Variants in CLN6 observed in about 807,000 individuals in gnomAD.
CLN6 encodes the protein CLN6 transmembrane ER protein.
Under a neutral mutation model 33.3 loss-of-function variants are expected in CLN6, and 22 were observed. The observed-to-expected ratio is 0.66, with a 90% CI of 0.47 to 0.94. The LOEUF (loss-of-function observed/expected upper bound fraction) is 0.94. Among genes scored for constraint, CLN6 ranks in the 40% least tolerant of loss-of-function variants. CLN6 has a pLI of 0.00. For missense variants in CLN6, 387 were observed against 417.1 expected, an observed-to-expected ratio of 0.93 and a Z score of 0.63; for synonymous variants, 201 against 174.6, an observed-to-expected ratio of 1.15 and a Z score of -1.19.
At chr15:68,244,564 G>A (rs539965277) in intron 1 of CLN6, among the ~76,000 whole-genome samples, 1 of 152,166 alleles carries the variant, frequency 6.6e-6, no homozygotes, top group East Asian at 1.9e-4. Flanking sequence ...GCTAAATGGA[G>A]TTCTTCAATC....
intron 3 of CLN6, chr15:68,212,124 C>T (rs963644290): frequency 1.1e-4 from 55 of 518,710 alleles, no homozygotes; most frequent in Middle Eastern, 1.0e-3. Flanking sequence ...ACTCCTTTCC[C>T]AAAGTCACAC....
At position 68,226,096 on chromosome 15, in the gene CLN6, A is replaced by G. The variant is rs2093250989; in HGVS notation, c.83+3406T>C. 8.6e-5 allele frequency among the ~76,000 whole-genome samples: 13 copies of G among 151,788 alleles called. 1 individual carries two copies. The South Asian group carries it at 2.7e-3, about 32-fold the overall frequency. ...GCACTTTGGGAGGCTGAGGCGGGTG[A>G]ATCACAAAGTCAGAAGTTTGAGACC... is the stretch of plus-strand genomic sequence containing the variant. On this transcript the variant is annotated intron_variant, in intron 1 of 6. Transcript: ENST00000249806.
chr15:68,214,390 T>C lies in CLN6; in HGVS notation c.199-2A>G, dbSNP rs1471253353. The C allele has an allele frequency of 6.2e-7, 1 of 1,612,162 alleles. No homozygotes were observed. Among genetic ancestry groups the C allele is most frequent in the Non-Finnish European group, 8.5e-7 (1 of 1,178,340 alleles). On this transcript the variant is annotated splice_acceptor_variant, in intron 2 of 6. Coordinates refer to ENST00000249806, the MANE Select transcript of CLN6 (RefSeq NM_017882.3). LOFTEE classifies it high-confidence loss of function. ...AAACCACTCGAGAGGGAATACCAGC[T>C]GCGGAGCAAATGGAAGAATGGGCTC... is the stretch of plus-strand genomic sequence containing the variant.
At chr15:68,245,632 C>T (rs1013863223) in intron 1 of CLN6, among the ~76,000 whole-genome samples, 5 of 151,998 alleles carry the variant, frequency 3.3e-5, no homozygotes, top group African/African-American at 9.7e-5. Context: ...GTAGTAAGTC[C>T]TTACTTATCA....
At position 68,229,683 on chromosome 15, in the gene CLN6, G is replaced by C. The variant is rs930349862; in HGVS notation, c.-99C>G. 14 of 997,094 alleles carry C rather than the reference G, an allele frequency of 1.4e-5. No homozygotes were observed. In the African/African-American group the frequency reaches 2.2e-4, roughly 16 times the overall value. 61.8% of individuals were successfully genotyped at this position (997,094 alleles called of 1,614,324 possible). A position where few individuals can be genotyped will look rare whatever the true frequency, so the allele number is the denominator to read the frequency against. ...CCGCCGCAAATTCCCAGCGCGGGGCGGTTCGGGGCGGGCCGGCGAGAGCGC... is the reference window on the plus strand; with the variant it reads ...CCGCCGCAAATTCCCAGCGCGGGGCCGTTCGGGGCGGGCCGGCGAGAGCGC... On this transcript the variant is annotated 5_prime_UTR_variant, in exon 1 of 7. Coordinates refer to ENST00000249806, the MANE Select transcript of CLN6 (RefSeq NM_017882.3).
At position 68,256,578 on chromosome 15, in the gene CLN6, C is replaced by T; in HGVS notation, c.179+112G>A. 1 of 549,366 alleles carries T rather than the reference C, an allele frequency of 1.8e-6. No homozygotes were observed. The highest frequency in any genetic ancestry group is 2.7e-5 in the South Asian group (1 of 37,632). The allele number at this position is 549,366 out of a possible 1,614,324, so 34.0% of individuals were successfully genotyped here. On this transcript the variant is annotated intron_variant, in intron 1 of 6. Coordinates refer to the CLN6 transcript ENST00000538696. This position sits in a 1 kb window ranked among gnomAD's most constrained non-coding sequence, Gnocchi z 4.1. ...TATTACAATACTCTCTTTGGGATCC[C>T]CACACACGTGGCTGGCTTCAGGGGT...
intron 3 of CLN6, 152 bp from the exon 4 acceptor site, chr15:68,212,015 G>A (rs1347915026): frequency 8.2e-6 from 6 of 735,322 alleles, no homozygotes; most frequent in Non-Finnish European, 1.1e-5. Flanking sequence ...GGCCAGCCCA[G>A]CCTCCAGATC....
rs906668079 is a variant in CLN6 at position 68,247,542 on chromosome 15, G to T, written c.179+9148C>A. 1.3e-5 allele frequency among the ~76,000 whole-genome samples: 2 copies of T among 152,106 alleles called. No homozygotes were observed. On this transcript the variant is annotated intron_variant, in intron 1 of 6. Transcript: ENST00000538696. The surrounding 1 kb of genome is among the most constrained non-coding windows in gnomAD (Gnocchi z 4.2). ...TAAATTGAAGAGGACACAGCAAAAT[G>T]GAAAGCTATTCCATGTTCATGGACT...
rs1595816465 is a variant in CLN6, at chr15:68,208,238, GC to G, written c.837del (p.Trp279CysfsTer71). The G allele has an allele frequency of 3.1e-6, 5 of 1,613,970 alleles. No individual in the cohort carries two copies. Among genetic ancestry groups the G allele is most frequent in the African/African-American group, 1.3e-5 (1 of 74,904 alleles). On this transcript the variant is annotated frameshift_variant, in exon 7 of 7. Transcript: ENST00000249806. LOFTEE classifies it high-confidence loss of function. The surrounding 1 kb of genome is among the most constrained non-coding windows in gnomAD (Gnocchi z 5.8). ...TTCCTGAGAACAGGGTCATTCCACA[GC>G]CAGGCGACCCAGAGCGCCACAAGCA... ...TLLLVALWVAWLWNDPVLRKK... is the reference protein window; with the variant it reads ...TLLLVALWVAXLWNDPVLRKK...
intron 3 of CLN6, 135 bp downstream of exon 3, chr15:68,214,155 G>A: frequency 1.4e-6 from 1 of 724,948 alleles, no homozygotes; most frequent in Non-Finnish European, 2.4e-6. Context: ...TGGACATGCT[G>A]CTCTGTCACA....
In CLN6 at chr15:68,211,454, G is replaced by T. The variant is rs2093204934; in HGVS notation, c.487-136C>A. On this transcript the variant is annotated intron_variant, in intron 4 of 6. Coordinates refer to ENST00000249806, the MANE Select transcript of CLN6 (RefSeq NM_017882.3). This position sits in a 1 kb window ranked among gnomAD's most constrained non-coding sequence, Gnocchi z 5.9. Reference sequence around the variant, plus strand: ...CCCACTGCCTTATTCCCTACCCGGGGCCTCGCCTTCTGTTACAGGGGCCCA... The same window carrying T: ...CCCACTGCCTTATTCCCTACCCGGGTCCTCGCCTTCTGTTACAGGGGCCCA... 17 of 1,523,464 alleles carry T rather than the reference G, an allele frequency of 1.1e-5. No homozygotes were observed. The highest frequency in any genetic ancestry group is 1.3e-5 in the Non-Finnish European group (14 of 1,111,470). 94.4% of individuals were successfully genotyped at this position (1,523,464 alleles called of 1,614,324 possible). A position where few individuals can be genotyped will look rare whatever the true frequency, so the allele number is the denominator to read the frequency against.
chr15:68,248,994 T>A (rs759865401), intron 1 of CLN6, among the ~76,000 whole-genome samples: 1 of 151,970 alleles, frequency 6.6e-6, no homozygotes, highest in African/African-American at 2.4e-5. Context: ...AACAAAAAAA[T>A]TCAATTAAAA....
chr15:68,209,883 G>A lies in CLN6; in HGVS notation c.543-124C>T. ...ACAGTTTACAAAACGCCTAGCCTGG[G>A]TGAGAGGCGCTCCTCTCCACCCAAC... On this transcript the variant is annotated intron_variant, in intron 5 of 6. Transcript: ENST00000249806. This position sits in a 1 kb window ranked among gnomAD's most constrained non-coding sequence, Gnocchi z 4.9. The A allele has an allele frequency of 7.4e-7, 1 of 1,350,048 alleles. No individual in the cohort carries two copies. Among genetic ancestry groups the A allele is most frequent in the Non-Finnish European group, 1.0e-6 (1 of 959,220 alleles). 83.6% of individuals were successfully genotyped at this position (1,350,048 alleles called of 1,614,324 possible).
chr15:68,243,770 A>AC (rs1892299342), intron 1 of CLN6, among the ~76,000 whole-genome samples: 1 of 149,730 alleles, frequency 6.7e-6, no homozygotes, highest in South Asian at 2.1e-4. Context: ...AAAAAAAAAA[A>AC]CACAAAAAAA....
At chr15:68,252,067 G>A (rs1299855051) in intron 1 of CLN6, among the ~76,000 whole-genome samples, 5 of 150,002 alleles carry the variant, frequency 3.3e-5, no homozygotes, top group South Asian at 2.1e-4. Context: ...TCCGCCTTCC[G>A]GGTTCAAGCG....
In CLN6 at chr15:68,211,184, C is replaced by T. The variant is rs2093203832; in HGVS notation, c.542+79G>A. ...GAGACCCGCAGCCCAGACAGCCTTG[C>T]TCAGTGTGTCCCTGAGCCAGTGACA... is the stretch of plus-strand genomic sequence containing the variant. On this transcript the variant is annotated intron_variant, in intron 5 of 6. Transcript: ENST00000249806. The surrounding 1 kb of genome is among the most constrained non-coding windows in gnomAD (Gnocchi z 5.9). 3 of 1,237,274 alleles carry T rather than the reference C, an allele frequency of 2.4e-6. No individual in the cohort carries two copies. The highest frequency in any genetic ancestry group is 3.6e-6 in the Non-Finnish European group (3 of 836,156). 76.6% of individuals were successfully genotyped at this position (1,237,274 alleles called of 1,614,324 possible). A position where few individuals can be genotyped will look rare whatever the true frequency, so the allele number is the denominator to read the frequency against.
rs2093204681 is a variant in CLN6, at chr15:68,211,383, C to A, written c.487-65G>T. ...ATGTCAGTCCAGGGAGGTGCTGGGG[C>A]CCCAAGCATCCCCTCTGACCACCCT... On this transcript the variant is annotated intron_variant, in intron 4 of 6. Transcript: ENST00000249806. This position sits in a 1 kb window ranked among gnomAD's most constrained non-coding sequence, Gnocchi z 5.9. 3.2e-6 allele frequency: 5 copies of A among 1,570,974 alleles called. No individual in the cohort carries two copies. The African/African-American group carries it at 5.4e-5, about 17-fold the overall frequency.
chr15:68,217,063 TAGAAC>T (rs1306600671), intron 2 of CLN6, among the ~76,000 whole-genome samples: 1 of 152,242 alleles, frequency 6.6e-6, no homozygotes, highest in East Asian at 1.9e-4. Context: ...ATAAAGAGCT[TAGAAC>T]AGAGTAAACA....
chr15:68,213,100 T>G (rs2093210745), intron 3 of CLN6: 1 of 151,838 alleles, frequency 6.6e-6, no homozygotes, highest in African/African-American at 2.4e-5. Context: ...TTTTGTATTT[T>G]TAATGGAGAT....
Sources: gnomAD v4.1 joint callset for allele counts (sites outside exome capture counted in the v4.1 genomes callset) on GRCh38, gnomAD v4.1.1 for gene constraint, Gnocchi (gnomAD v3.1) non-coding constraint, MANE v1.5 for transcripts, NCBI Gene and HGNC (gene_info 2026-07-23, HGNC 2026-07-21) for gene names.